CERS3: variants seen among roughly 807,000 people sequenced by gnomAD.
CERS3 encodes the protein ceramide synthase 3, also known as LAG1 homolog, ceramide synthase 3.
In CERS3, 33 loss-of-function variants were observed where a neutral mutation model predicts 50.3. The ratio of observed to expected loss-of-function variants is 0.66; its 90% CI spans 0.50 to 0.88. The LOEUF (loss-of-function observed/expected upper bound fraction) is 0.88, where lower values mean the gene tolerates loss of function less well. Ranked by LOEUF, CERS3 falls within the 40% of genes least tolerant of loss-of-function variation. The probability of loss-of-function intolerance (pLI) is 0.00; values close to 1 mark genes in which losing one functional copy is unlikely to be tolerated. For missense variants in CERS3, 470 were observed against 460.3 expected, an observed-to-expected ratio of 1.02 and a Z score of -0.19; for synonymous variants, 176 against 155.2, an observed-to-expected ratio of 1.13 and a Z score of -0.99.
At chr15:100,538,261 C>A (rs548097104) in intron 1 of CERS3, among the ~76,000 whole-genome samples, 1 of 152,180 alleles carries the variant, frequency 6.6e-6, no homozygotes, top group African/African-American at 2.4e-5. Flanking sequence ...ATGGATCTAC[C>A]ATTATGGGGT....
At chr15:100,473,370 G>A (rs1320396537) in intron 8 of CERS3, among the ~76,000 whole-genome samples, 1 of 151,900 alleles carries the variant, frequency 6.6e-6, no homozygotes, top group African/African-American at 2.4e-5. Flanking sequence ...TTTAGCCCCT[G>A]CCTATTCCCC....
intron 1 of CERS3, among the ~76,000 whole-genome samples, chr15:100,542,232 T>C (rs549507199): frequency 6.6e-6 from 1 of 152,356 alleles, no homozygotes; most frequent in Admixed American, 6.5e-5. Context: ...ATCAAGATCC[T>C]AAGCTTTCTG....
intron 10 of CERS3, among the ~76,000 whole-genome samples, chr15:100,467,822 T>C (rs1567639876): frequency 1.5e-4 from 12 of 80,242 alleles, no homozygotes; most frequent in Admixed American, 4.9e-4. Flanking sequence ...TATATATATG[T>C]GTATATATAT....
chr15:100,441,352 G>A lies in CERS3; in HGVS notation c.999+14541C>T, dbSNP rs991122226. On this transcript the variant is annotated intron_variant, in intron 11 of 11. Coordinates refer to ENST00000679737, the MANE Select transcript of CERS3 (RefSeq NM_001378789.1). ...CCCCGATCCCTTATTTCCATGCCCC[G>A]ACCCCTTATCTCTGCACCCCAATCC... Among the ~76,000 whole-genome samples the A allele has an allele frequency of 6.6e-5, 9 of 136,076 alleles. No individual in the cohort carries two copies. In the East Asian group the frequency reaches 6.7e-4, roughly 10 times the overall value. The allele number at this position is 136,076 out of a possible 152,430, so 89.3% of individuals were successfully genotyped here.
rs546860533 is a variant in CERS3 at position 100,508,086 on chromosome 15, T to C, written c.-1-6236A>G. On this transcript the variant is annotated intron_variant, in intron 2 of 11. Coordinates refer to ENST00000679737, the MANE Select transcript of CERS3 (RefSeq NM_001378789.1). ...CCTTTAGAGAAACTGATGACTCCAA[T>C]TTGGTTGTCTGAACCGTAAGTGTAG... is the stretch of plus-strand genomic sequence containing the variant. Among the ~76,000 whole-genome samples the C allele has an allele frequency of 1.1e-3, 170 of 152,350 alleles. 2 individuals carry two copies. Among genetic ancestry groups the C allele is most frequent in the South Asian group, 9.7e-3 (47 of 4,828 alleles).
rs2030480383 is a variant in CERS3, at chr15:100,401,014, T to C, written c.*1699A>G. 6.6e-6 allele frequency: 1 copy of C among 152,156 alleles called. No homozygotes were observed. Among genetic ancestry groups the C allele is most frequent in the South Asian group, 2.1e-4 (1 of 4,830 alleles). The allele number at this position is 152,156 out of a possible 1,614,324, so 9.4% of individuals were successfully genotyped here. A position where few individuals can be genotyped will look rare whatever the true frequency, so the allele number is the denominator to read the frequency against. Reference sequence around the variant, plus strand: ...TTGTGGAAAGAATTCTAAAGGATTTTTTGTTTATTTTTGTTTAGCCTTAAG... The same window carrying C: ...TTGTGGAAAGAATTCTAAAGGATTTCTTGTTTATTTTTGTTTAGCCTTAAG... On this transcript the variant is annotated 3_prime_UTR_variant, in exon 12 of 12. Coordinates refer to ENST00000679737, the MANE Select transcript of CERS3 (RefSeq NM_001378789.1).
chr15:100,533,432 C>T (rs1362411927), upstream of CERS3, among the ~76,000 whole-genome samples: 1 of 152,164 alleles, frequency 6.6e-6, no homozygotes, highest in Non-Finnish European at 1.5e-5. Context: ...TGTGTCTCTT[C>T]CTCTCTACCA....
intron 11 of CERS3, among the ~76,000 whole-genome samples, chr15:100,407,933 G>A (rs774520599): frequency 6.6e-6 from 1 of 152,090 alleles, no homozygotes; most frequent in Admixed American, 6.6e-5. Context: ...GTGCAATGGT[G>A]CAATCTTGGC....
At chr15:100,504,584 A>G (rs2036118253) in intron 2 of CERS3, among the ~76,000 whole-genome samples, 1 of 152,154 alleles carries the variant, frequency 6.6e-6, no homozygotes, top group African/African-American at 2.4e-5. Flanking sequence ...CCTGAGAGGG[A>G]GGAGTGAATC....
At chr15:100,473,499 A>T (rs2035032488) in intron 8 of CERS3, among the ~76,000 whole-genome samples, 1 of 152,252 alleles carries the variant, frequency 6.6e-6, no homozygotes, top group Admixed American at 6.5e-5. Flanking sequence ...TAAAGACTTA[A>T]AGGTTTTCTG....
chr15:100,426,210 T>A (rs2142104653), intron 11 of CERS3: 1 of 152,214 alleles, frequency 6.6e-6, no homozygotes, highest in South Asian at 2.1e-4. Context: ...AATAAAAAAA[T>A]TAAAATGAGT....
rs118017515 is a variant in CERS3, at chr15:100,496,782, G to A, written c.173+4895C>T. Among the ~76,000 whole-genome samples the A allele has an allele frequency of 1.3e-3, 202 of 152,222 alleles. 5 individuals carry two copies. The East Asian group carries it at 0.037, about 28-fold the overall frequency. Reference sequence around the variant, plus strand: ...GTCAATTCTAGGACTTACTTAAGAAGAATTTTTGTGTTGAATTAAATGCTG... The same window carrying A: ...GTCAATTCTAGGACTTACTTAAGAAAAATTTTTGTGTTGAATTAAATGCTG... On this transcript the variant is annotated intron_variant, in intron 3 of 11. Transcript: ENST00000679737.
intron 11 of CERS3, among the ~76,000 whole-genome samples, chr15:100,411,214 G>C (rs1163469082): frequency 6.6e-6 from 1 of 152,136 alleles, no homozygotes; most frequent in East Asian, 1.9e-4. Context: ...CCAGGCTGGA[G>C]TGCAGTGGCA....
intron 2 of CERS3, among the ~76,000 whole-genome samples, chr15:100,518,807 A>G (rs944241266): frequency 6.6e-6 from 1 of 152,206 alleles, no homozygotes; most frequent in Admixed American, 6.5e-5. Context: ...TTTGGGGTCA[A>G]TGTGTTCCTA....
intron 3 of CERS3, among the ~76,000 whole-genome samples, chr15:100,493,713 T>C (rs180935330): frequency 2.1e-4 from 32 of 152,312 alleles, no homozygotes; most frequent in Non-Finnish European, 3.7e-4. Context: ...TTCTCTTTTA[T>C]TTTGCTGTTC....
chr15:100,533,152 G>A (rs1182176711), upstream of CERS3, among the ~76,000 whole-genome samples: 3 of 152,184 alleles, frequency 2.0e-5, no homozygotes, highest in African/African-American at 7.2e-5. Context: ...AATTAGTCGG[G>A]AGGACAACTG....
At chr15:100,418,660 A>G (rs1202066125) in intron 11 of CERS3, among the ~76,000 whole-genome samples, 1 of 130,992 alleles carries the variant, frequency 7.6e-6, no homozygotes, top group Admixed American at 7.9e-5. Flanking sequence ...TCAAGGAAAA[A>G]ATGTTAAGGG....
chr15:100,518,036 G>A (rs1567678365), intron 2 of CERS3, among the ~76,000 whole-genome samples: 1 of 152,140 alleles, frequency 6.6e-6, no homozygotes, highest in Non-Finnish European at 1.5e-5. Context: ...CTCTGGCCAG[G>A]GCAGCTGCTC....
chr15:100,446,194 G>A (rs150445413), intron 11 of CERS3, among the ~76,000 whole-genome samples: 325 of 152,176 alleles, frequency 2.1e-3, no homozygotes, highest in African/African-American at 6.8e-3. Flanking sequence ...TCACACAGAC[G>A]TGCATGAAAA....
Sources: gnomAD v4.1 joint callset for allele counts (sites outside exome capture counted in the v4.1 genomes callset) on GRCh38, gnomAD v4.1.1 for gene constraint, MANE v1.5 for transcripts, NCBI Gene and HGNC (gene_info 2026-07-23, HGNC 2026-07-21) for gene names.